The following PHACTR4 variants were observed in gnomAD, a reference collection of about 807,000 sequenced individuals.
PHACTR4 encodes the protein protein phosphatase 1, regulatory subunit 124.
Under a neutral mutation model 72.7 loss-of-function variants are expected in PHACTR4, and 51 were observed. The ratio of observed to expected loss-of-function variants is 0.70; its 90% CI spans 0.56 to 0.89. The LOEUF (loss-of-function observed/expected upper bound fraction) is 0.89. PHACTR4 is among the 40% of genes least tolerant of loss of function. The probability of loss-of-function intolerance (pLI) is 0.00; values close to 1 mark genes in which losing one functional copy is unlikely to be tolerated. For synonymous variants in PHACTR4, 255 were observed against 302.5 expected (o/e 0.84, Z 1.63); for missense variants, 731 against 861.8 (o/e 0.85, Z 1.90).
intron 2 of PHACTR4, among the ~76,000 whole-genome samples, chr1:28,439,566 C>T (rs779241804): frequency 3.3e-5 from 5 of 152,098 alleles, no homozygotes; most frequent in Non-Finnish European, 7.4e-5. Context: ...ATCACTAGGG[C>T]TGTGTCTTTA....
At chr1:28,379,445 TAAAA>T (rs1651963086) in intron 1 of PHACTR4, among the ~76,000 whole-genome samples, 1 of 151,422 alleles carries the variant, frequency 6.6e-6, no homozygotes, top group Non-Finnish European at 1.5e-5. Flanking sequence ...GCTGATTTTT[TAAAA>T]TTTTTGTAGA....
At position 28,448,589 on chromosome 1, in the gene PHACTR4, TAAA is replaced by T. The variant is rs747826049; in HGVS notation, c.17-10475_17-10473del. On this transcript the variant is annotated intron_variant, in intron 2 of 13. Transcript: ENST00000373839. The stretch of plus-strand genomic sequence containing the variant: ...AACACAGTGAAATCCCATCTCTACT[TAAA>T]AAAAAAAAAAAAAAAAAAAATTAGC... Among the ~76,000 whole-genome samples, 861 of 95,772 alleles carry T rather than the reference TAAA, an allele frequency of 9.0e-3. 24 individuals are homozygous for T. Among genetic ancestry groups the T allele is most frequent in the African/African-American group, 0.037 (823 of 22,208 alleles). 62.8% of individuals were successfully genotyped at this position (95,772 alleles called of 152,430 possible). A position where few individuals can be genotyped will look rare whatever the true frequency, so the allele number is the denominator to read the frequency against.
chr1:28,457,157 C>T (rs953151153), intron 2 of PHACTR4, among the ~76,000 whole-genome samples: 3 of 152,044 alleles, frequency 2.0e-5, no homozygotes, highest in Non-Finnish European at 2.9e-5. Context: ...GTGATAATTA[C>T]GATTGTATAA....
intron 2 of PHACTR4, among the ~76,000 whole-genome samples, chr1:28,440,256 C>G (rs1291812904): frequency 7.6e-6 from 1 of 132,268 alleles, no homozygotes; most frequent in African/African-American, 2.9e-5. Context: ...GAGCCGAGAT[C>G]GTGCCACTGC....
intron 2 of PHACTR4, chr1:28,438,291 G>T: frequency 6.6e-7 from 1 of 1,522,416 alleles, no homozygotes; most frequent in Non-Finnish European, 8.8e-7. Context: ...AAAGAGGACC[G>T]CATGTCCCCT....
At chr1:28,426,018 C>T (rs1340859583) in intron 2 of PHACTR4, among the ~76,000 whole-genome samples, 2 of 151,506 alleles carry the variant, frequency 1.3e-5, no homozygotes, top group African/African-American at 2.4e-5. Context: ...GTCAGGAGTT[C>T]GAGACCAGCC....
In PHACTR4 at chr1:28,413,317, A is replaced by G. The variant is rs1040531248; in HGVS notation, c.16+5854A>G. On this transcript the variant is annotated intron_variant, in intron 2 of 13. Transcript: ENST00000373839. ...GATATTGGTGATGACAGCTTTCAAT[A>G]TATCTCTTGAGTCACATTGCTCCAG... Among the ~76,000 whole-genome samples the G allele has an allele frequency of 4.6e-5, 7 of 152,292 alleles. No homozygotes were observed. The East Asian group carries it at 7.7e-4, about 17-fold the overall frequency.
intron 4 of PHACTR4, among the ~76,000 whole-genome samples, chr1:28,462,962 G>A (rs971895082): frequency 6.6e-6 from 1 of 152,172 alleles, no homozygotes; most frequent in Non-Finnish European, 1.5e-5. Context: ...ACTTTGGGAG[G>A]CCAGTGTGGG....
intron 1 of PHACTR4, among the ~76,000 whole-genome samples, chr1:28,382,284 G>A (rs2124149298): frequency 6.6e-6 from 1 of 151,948 alleles, no homozygotes; most frequent in East Asian, 1.9e-4. Context: ...TGTAGTAATT[G>A]CTTTTGGTGT....
At chr1:28,446,838 A>G (rs1657508084) in intron 2 of PHACTR4, among the ~76,000 whole-genome samples, 1 of 151,922 alleles carries the variant, frequency 6.6e-6, no homozygotes, top group Non-Finnish European at 1.5e-5. Flanking sequence ...GTTCTGGGCC[A>G]TGTGACGTGT....
intron 1 of PHACTR4, among the ~76,000 whole-genome samples, chr1:28,370,143 C>G (rs1314978465): frequency 2.0e-5 from 3 of 151,928 alleles, no homozygotes; most frequent in Non-Finnish European, 2.9e-5. Context: ...TGCATGGAGT[C>G]TCCGCCACGG....
At chr1:28,391,397 T>C (rs2124194029) in intron 1 of PHACTR4, among the ~76,000 whole-genome samples, 1 of 150,558 alleles carries the variant, frequency 6.6e-6, no homozygotes. Flanking sequence ...AGATTCTGTC[T>C]CAAAAAATAA....
intron 1 of PHACTR4, among the ~76,000 whole-genome samples, chr1:28,375,541 C>A (rs982416166): frequency 6.6e-6 from 1 of 151,716 alleles, no homozygotes; most frequent in Non-Finnish European, 1.5e-5. Flanking sequence ...TAAAAATCAG[C>A]CAGGCATGGT....
At chr1:28,413,313 C>T (rs891576435) in intron 2 of PHACTR4, among the ~76,000 whole-genome samples, 3 of 152,138 alleles carry the variant, frequency 2.0e-5, no homozygotes, top group Admixed American at 2.0e-4. Flanking sequence ...TGACAGCTTT[C>T]AATATATCTC....
chr1:28,436,848 C>T (rs1212465081), intron 2 of PHACTR4, among the ~76,000 whole-genome samples: 1 of 152,174 alleles, frequency 6.6e-6, no homozygotes, highest in Non-Finnish European at 1.5e-5. Flanking sequence ...ATTAGCTGAT[C>T]TTTCCATGTA....
chr1:28,462,827 G>A (rs928640775), intron 4 of PHACTR4, among the ~76,000 whole-genome samples: 1 of 152,128 alleles, frequency 6.6e-6, no homozygotes, highest in Non-Finnish European at 1.5e-5. Context: ...AACAGGGATG[G>A]GCCTCATGCT....
chr1:28,460,870 C>A (rs776882770), intron 4 of PHACTR4, among the ~76,000 whole-genome samples: 3 of 152,034 alleles, frequency 2.0e-5, no homozygotes, highest in Non-Finnish European at 4.4e-5. Flanking sequence ...TCTCGAACTC[C>A]TGACCTCAGG....
At chr1:28,450,447 A>T (rs1657859192) in intron 2 of PHACTR4, among the ~76,000 whole-genome samples, 1 of 152,186 alleles carries the variant, frequency 6.6e-6, no homozygotes, top group Non-Finnish European at 1.5e-5. Context: ...TTATAAAATC[A>T]GATGCTGAGA....
At position 28,443,040 on chromosome 1, in the gene PHACTR4, AT is replaced by A. The variant is rs1242939287; in HGVS notation, c.17-16041del. On this transcript the variant is annotated intron_variant, in intron 2 of 13. Transcript: ENST00000373839. ...AACTTTTTCCTCTTATCTAGCTGTA[AT>A]TTTGTATTCTTTAACAAATCTTTCC... Among the ~76,000 whole-genome samples the A allele has an allele frequency of 2.0e-5, 3 of 152,030 alleles. No homozygotes were observed. In the East Asian group the frequency reaches 5.8e-4, roughly 29 times the overall value.
Sources: gnomAD v4.1 joint callset for allele counts (sites outside exome capture counted in the v4.1 genomes callset) on GRCh38, gnomAD v4.1.1 for gene constraint, MANE v1.5 for transcripts, NCBI Gene and HGNC (gene_info 2026-07-23, HGNC 2026-07-21) for gene names.